ITIH5: variants seen among roughly 807,000 people sequenced by gnomAD.
ITIH5 encodes inter-alpha-trypsin inhibitor heavy chain 5, also known as inter-alpha-trypsin inhibitor heavy chain H5.
A neutral mutation model predicts 77.5 loss-of-function variants in ITIH5; 65 were observed. That is an observed-to-expected ratio of 0.84 (90% confidence interval 0.69 to 1.03). The LOEUF is 1.03. Among genes scored for constraint, ITIH5 ranks in the 50% least tolerant of loss-of-function variants. The probability of loss-of-function intolerance (pLI) is 0.00; values close to 1 mark genes in which losing one functional copy is unlikely to be tolerated. For synonymous variants in ITIH5, 525 were observed against 494.3 expected (o/e 1.06, Z -0.82); for missense variants, 1,208 against 1,213.1 (o/e 1.00, Z 0.06).
At chr10:7,610,856 C>T (rs1355955804) in intron 7 of ITIH5, among the ~76,000 whole-genome samples, 3 of 152,168 alleles carry the variant, frequency 2.0e-5, no homozygotes, top group African/African-American at 7.2e-5. Context: ...GCTGAAGCTT[C>T]GAAGCCAGCA....
In ITIH5 at chr10:7,606,423, T is replaced by TA. The variant is rs575431449; in HGVS notation, c.939+9558dup. 3.9e-4 allele frequency among the ~76,000 whole-genome samples: 59 copies of TA among 152,278 alleles called. No individual in the cohort carries two copies. In the East Asian group the frequency reaches 0.011, roughly 27 times the overall value. ...TATACCATGGAATACTATGCAGCTA[T>TA]AAAAAAGTATAAGATCATGTCCTTT... On this transcript the variant is annotated intron_variant, in intron 7 of 13. Coordinates refer to ENST00000397146, the MANE Select transcript of ITIH5 (RefSeq NM_030569.7).
chr10:7,655,726 C>T (rs1462194104), intron 1 of ITIH5, 51 bp from the exon 2 acceptor site: 2 of 1,387,034 alleles, frequency 1.4e-6, no homozygotes, highest in Non-Finnish European at 2.0e-6. Flanking sequence ...AGAGAAGAGA[C>T]ATGAAATATG....
At chr10:7,605,950 C>A (rs1833117595) in intron 7 of ITIH5, among the ~76,000 whole-genome samples, 1 of 152,208 alleles carries the variant, frequency 6.6e-6, no homozygotes, top group Non-Finnish European at 1.5e-5. Context: ...CCTGGCGCCA[C>A]ACTTTCCGAT....
At chr10:7,653,887 G>T (rs982641629) in intron 2 of ITIH5, among the ~76,000 whole-genome samples, 1 of 152,182 alleles carries the variant, frequency 6.6e-6, no homozygotes, top group Non-Finnish European at 1.5e-5. Context: ...AGATGCAGTG[G>T]CTCACGCCTG....
intron 3 of ITIH5, among the ~76,000 whole-genome samples, chr10:7,641,163 C>G (rs974777886): frequency 9.2e-5 from 14 of 151,976 alleles, no homozygotes; most frequent in African/African-American, 3.4e-4. Flanking sequence ...AAAATTAAAC[C>G]CAACACCTAG....
chr10:7,595,780 G>A (rs964526713), intron 7 of ITIH5, among the ~76,000 whole-genome samples: 33 of 152,144 alleles, frequency 2.2e-4, no homozygotes, highest in Non-Finnish European at 2.9e-5. Context: ...AAGCCGAGGC[G>A]GGCGGATCAT....
At chr10:7,566,911 GAAGAA>G (rs1564232858) in intron 12 of ITIH5, among the ~76,000 whole-genome samples, 3 of 102,774 alleles carry the variant, frequency 2.9e-5, no homozygotes, top group Non-Finnish European at 4.0e-5. Flanking sequence ...AGAAGAAGAA[GAAGAA>G]GAAGAAAAGA....
intron 2 of ITIH5, 134 bp from the exon 3 acceptor site, chr10:7,642,224 T>TTTC (rs890562021): frequency 1.5e-6 from 1 of 654,306 alleles, no homozygotes; most frequent in African/African-American, 1.9e-5. Context: ...TCCAATTTCC[T>TTTC]TTCTTCTTCT....
intron 5 of ITIH5, chr10:7,618,658 C>G (rs1477267475): frequency 1.3e-5 from 2 of 152,174 alleles, no homozygotes; most frequent in Non-Finnish European, 2.9e-5. Flanking sequence ...GCTGCAAAGC[C>G]TCTGATTATC....
At position 7,615,867 on chromosome 10, in the gene ITIH5, G is replaced by A. The variant is rs1404193936; in HGVS notation, c.939+115C>T. 1.4e-5 allele frequency: 10 copies of A among 700,098 alleles called. No homozygotes were observed. The African/African-American group carries it at 1.8e-4, about 12-fold the overall frequency. 43.4% of individuals were successfully genotyped at this position (700,098 alleles called of 1,614,324 possible). ...GCTCAAGAAGGCTTTCCATAGGCAG[G>A]AATCGCTGGATGGTAAAGCTGACGT... On this transcript the variant is annotated intron_variant, in intron 7 of 13. Transcript: ENST00000397146.
chr10:7,607,609 T>C (rs1564257384), intron 7 of ITIH5, among the ~76,000 whole-genome samples: 1 of 151,838 alleles, frequency 6.6e-6, no homozygotes, highest in African/African-American at 2.4e-5. Flanking sequence ...AGGTCAGGAG[T>C]TCGAGATCAG....
At chr10:7,590,903 T>C (rs1475081723) in intron 7 of ITIH5, among the ~76,000 whole-genome samples, 1 of 152,214 alleles carries the variant, frequency 6.6e-6, no homozygotes, top group East Asian at 1.9e-4. Flanking sequence ...ATGTCTCTTA[T>C]TTTATTTTAT....
chr10:7,564,968 TAC>T (rs199832851), intron 13 of ITIH5, among the ~76,000 whole-genome samples: 2,037 of 147,434 alleles, frequency 0.014, 19 homozygotes, highest in South Asian at 0.023. Flanking sequence ...TACATACATA[TAC>T]ATATACACAC....
rs566064186 is a variant in ITIH5 at position 7,598,742 on chromosome 10, T to C, written c.940-12673A>G. 2.0e-5 allele frequency among the ~76,000 whole-genome samples: 3 copies of C among 152,316 alleles called. No homozygotes were observed. The South Asian group carries it at 6.2e-4, about 32-fold the overall frequency. On this transcript the variant is annotated intron_variant, in intron 7 of 13. Transcript: ENST00000397146. The stretch of plus-strand genomic sequence containing the variant: ...CTTCATAGCAAGACAAAAAACACTT[T>C]TATTGTAAAGTTTCTAAATACCAAT...
intron 7 of ITIH5, chr10:7,600,471 C>G: frequency 2.2e-6 from 1 of 445,198 alleles, no homozygotes; most frequent in Non-Finnish European, 4.4e-6. Flanking sequence ...TCAACCCAGC[C>G]CTGCCCAGCC....
intron 7 of ITIH5, among the ~76,000 whole-genome samples, chr10:7,591,795 G>C (rs1311309945): frequency 3.3e-5 from 5 of 152,102 alleles, no homozygotes; most frequent in East Asian, 3.8e-4. Flanking sequence ...TTCTCTCTCT[G>C]TGCATTGACT....
At chr10:7,639,066 T>C (rs1308428622) in intron 4 of ITIH5, among the ~76,000 whole-genome samples, 1 of 152,222 alleles carries the variant, frequency 6.6e-6, no homozygotes, top group African/African-American at 2.4e-5. Context: ...ACTAAACTAA[T>C]CTGTAGTGTG....
intron 5 of ITIH5, among the ~76,000 whole-genome samples, chr10:7,629,240 AGC>A (rs1833661658): frequency 7.3e-6 from 1 of 136,950 alleles, no homozygotes; most frequent in South Asian, 2.5e-4. Context: ...CCCATGTTGT[AGC>A]GTGTGTCCAT....
At chr10:7,564,915 G>GTGTA (rs1564230489) in intron 13 of ITIH5, among the ~76,000 whole-genome samples, 2 of 144,676 alleles carry the variant, frequency 1.4e-5, no homozygotes, top group African/African-American at 5.1e-5. Flanking sequence ...GACTGTGTGT[G>GTGTA]TATATATATA....
Sources: allele counts gnomAD v4.1 joint callset (sites outside exome capture counted in the v4.1 genomes callset), GRCh38; gene constraint gnomAD v4.1.1; transcripts MANE v1.5; gene names NCBI Gene and HGNC (gene_info 2026-07-23, HGNC 2026-07-21).